The following ANKRD11 variants were observed in gnomAD, a reference collection of about 807,000 sequenced individuals.
The protein encoded by ANKRD11 is ankyrin repeat domain 11.
A neutral mutation model predicts 195.7 loss-of-function variants in ANKRD11; 17 were observed. The observed-to-expected ratio is 0.09, with a 90% CI of 0.06 to 0.13. The LOEUF is 0.13. ANKRD11 is among the 10% of genes least tolerant of loss of function. ANKRD11 has a pLI of 1.00. For synonymous variants in ANKRD11, 1,953 were observed against 1,528.1 expected (o/e 1.28, Z -6.49); for missense variants, 3,735 against 3,566.1 (o/e 1.05, Z -1.21).
chr16:89,287,085 A>G (rs1320221740), intron 7 of ANKRD11: 9 of 1,289,744 alleles, frequency 7.0e-6, no homozygotes, highest in Non-Finnish European at 9.1e-6. Context: ...CTGGCAGGGC[A>G]GGATCCTTCC....
At chr16:89,433,628 C>T (rs1237877801) in intron 1 of ANKRD11, among the ~76,000 whole-genome samples, 2 of 151,538 alleles carry the variant, frequency 1.3e-5, no homozygotes, top group Non-Finnish European at 2.9e-5. Flanking sequence ...CGGGCTTGGA[C>T]GCAGCAGGGC....
intron 2 of ANKRD11, among the ~76,000 whole-genome samples, chr16:89,415,200 C>T (rs1382529270): frequency 6.6e-6 from 1 of 151,854 alleles, no homozygotes; most frequent in African/African-American, 2.4e-5. Context: ...GTGATCTACC[C>T]ACCCCTTCCT....
At chr16:89,294,579 TAGAGGG>T (rs1162697951) in intron 4 of ANKRD11, among the ~76,000 whole-genome samples, 1 of 151,944 alleles carries the variant, frequency 6.6e-6, no homozygotes, top group Admixed American at 6.6e-5. Flanking sequence ...GCTTCTGGGG[TAGAGGG>T]AAAGCCCCAC....
At chr16:89,419,768 A>C (rs781019347) in intron 1 of ANKRD11, among the ~76,000 whole-genome samples, 13 of 150,640 alleles carry the variant, frequency 8.6e-5, no homozygotes, top group Non-Finnish European at 1.9e-4. Context: ...CGTTTTGCAA[A>C]GATGGAGTGA....
intron 2 of ANKRD11, among the ~76,000 whole-genome samples, chr16:89,334,563 G>T (rs1161987644): frequency 2.0e-5 from 3 of 152,098 alleles, no homozygotes; most frequent in Non-Finnish European, 2.9e-5. Flanking sequence ...CATGCGGCAT[G>T]CTATGGGGCC....
chr16:89,396,677 G>A (rs991731988), intron 2 of ANKRD11, among the ~76,000 whole-genome samples: 1 of 152,036 alleles, frequency 6.6e-6, no homozygotes, highest in Admixed American at 6.6e-5. Flanking sequence ...TCCTCTAATT[G>A]CTATTTGTTG....
intron 11 of ANKRD11, 179 bp downstream of exon 11, chr16:89,274,632 CCTT>C (rs1171725732): frequency 1.5e-5 from 13 of 894,960 alleles, no homozygotes; most frequent in Non-Finnish European, 2.3e-5. Context: ...TCTGCTGCAG[CCTT>C]CTTGGCTCCT....
intron 3 of ANKRD11, among the ~76,000 whole-genome samples, chr16:89,307,413 G>C (rs1369145379): frequency 6.6e-6 from 1 of 152,216 alleles, no homozygotes; most frequent in Non-Finnish European, 1.5e-5. Context: ...CCATGAAAGA[G>C]CTTTCCAGAA....
chr16:89,354,980 A>G (rs75263440), intron 2 of ANKRD11, among the ~76,000 whole-genome samples: 1 of 152,316 alleles, frequency 6.6e-6, no homozygotes, highest in African/African-American at 2.4e-5. Context: ...CAGACTTTCC[A>G]AGTCCCAGGA....
In ANKRD11 at chr16:89,383,613, G is replaced by A. The variant is rs138784527; in HGVS notation, c.-60+34671C>T. ...GCCGAAGAGCCTCCCATGGTGTCACGTCGAGCCCCTGCCCTCGGACCAGCA... is the reference window on the plus strand; with the variant it reads ...GCCGAAGAGCCTCCCATGGTGTCACATCGAGCCCCTGCCCTCGGACCAGCA... On this transcript the variant is annotated intron_variant, in intron 2 of 12. Transcript: ENST00000301030. Among the ~76,000 whole-genome samples, 228 of 152,288 alleles carry A rather than the reference G, an allele frequency of 1.5e-3. 3 individuals carry two copies. The Middle Eastern group carries it at 0.024, about 16-fold the overall frequency.
intron 3 of ANKRD11, among the ~76,000 whole-genome samples, chr16:89,309,068 A>T (rs2036464728): frequency 6.6e-6 from 1 of 152,138 alleles, no homozygotes; most frequent in Admixed American, 6.5e-5. Context: ...CATGTTCACC[A>T]CCAGAAGACA....
chr16:89,405,051 A>G (rs913052280), intron 2 of ANKRD11, among the ~76,000 whole-genome samples: 1 of 151,992 alleles, frequency 6.6e-6, no homozygotes, highest in African/African-American at 2.4e-5. Context: ...ATGGCCCACA[A>G]CACAGCCCGA....
chr16:89,374,097 A>C (rs925875266), intron 2 of ANKRD11, among the ~76,000 whole-genome samples: 4 of 152,214 alleles, frequency 2.6e-5, no homozygotes, highest in African/African-American at 4.8e-5. Context: ...CGAGACAAAA[A>C]TGATCAATAG....
chr16:89,275,917 G>A lies in ANKRD11; in HGVS notation c.7471-726C>T, dbSNP rs530390523. Among the ~76,000 whole-genome samples, 107 of 152,302 alleles carry A rather than the reference G, an allele frequency of 7.0e-4. No individual in the cohort carries two copies. In the South Asian group the frequency reaches 8.7e-3, roughly 12 times the overall value. ...GGAGCGGGGAGCCAGGCTGAGCCCC[G>A]CAGTGCAGCAGAGACCTCAGGCCCA... On this transcript the variant is annotated intron_variant, in intron 9 of 12. Transcript: ENST00000301030.
chr16:89,388,293 A>ATTTTTTTTTTTTTTT lies in ANKRD11; in HGVS notation c.-60+29976_-60+29990dup, dbSNP rs71134215. Among the ~76,000 whole-genome samples, 43 of 85,292 alleles carry ATTTTTTTTTTTTTTT rather than the reference A, an allele frequency of 5.0e-4. 4 individuals carry two copies. The highest frequency in any genetic ancestry group is 1.2e-3 in the African/African-American group (28 of 23,354). 56.0% of individuals were successfully genotyped at this position (85,292 alleles called of 152,430 possible). ...GTGCTCTCTTCTCTCCATGAGGCTGATTTTTTTTTTTTTTTTTTTTTTGAG... is the reference window on the plus strand; with the variant it reads ...GTGCTCTCTTCTCTCCATGAGGCTGATTTTTTTTTTTTTTTTTTTTTTTTTTTTTTTTTTTTTGAG... On this transcript the variant is annotated intron_variant, in intron 2 of 12. Coordinates refer to ENST00000301030, the MANE Select transcript of ANKRD11 (RefSeq NM_013275.6).
chr16:89,439,248 T>C (rs1350129410), intron 1 of ANKRD11, among the ~76,000 whole-genome samples: 1 of 152,126 alleles, frequency 6.6e-6, no homozygotes, highest in African/African-American at 2.4e-5. Flanking sequence ...GAAAATGCTG[T>C]TTTCCAGTAT....
chr16:89,449,551 T>C (rs1395558066), intron 1 of ANKRD11, among the ~76,000 whole-genome samples: 2 of 152,136 alleles, frequency 1.3e-5, no homozygotes, highest in East Asian at 3.9e-4. Context: ...CCGAGCACTT[T>C]GGGAGGCCGA....
At chr16:89,307,803 C>T (rs1175304880) in intron 3 of ANKRD11, among the ~76,000 whole-genome samples, 2 of 152,252 alleles carry the variant, frequency 1.3e-5, no homozygotes, top group African/African-American at 4.8e-5. Flanking sequence ...CAAGAAGCTC[C>T]AATCTTAAAC....
At chr16:89,314,473 G>C (rs2036822870) in intron 3 of ANKRD11, among the ~76,000 whole-genome samples, 1 of 152,038 alleles carries the variant, frequency 6.6e-6, no homozygotes, top group Non-Finnish European at 1.5e-5. Flanking sequence ...TCAGCGCTGG[G>C]GCTGCCGGCA....
Sources: allele counts gnomAD v4.1 joint callset (sites outside exome capture counted in the v4.1 genomes callset), GRCh38; gene constraint gnomAD v4.1.1; transcripts MANE v1.5; gene names NCBI Gene and HGNC (gene_info 2026-07-23, HGNC 2026-07-21).